Variants in CREG1 observed in about 807,000 individuals in gnomAD.
The protein encoded by CREG1 is protein CREG1.
A neutral mutation model predicts 19.9 loss-of-function variants in CREG1; 20 were observed. That is an observed-to-expected ratio of 1.01 (90% confidence interval 0.71 to 1.46). The LOEUF (loss-of-function observed/expected upper bound fraction) is 1.46, where lower values mean the gene tolerates loss of function less well. Ranked by LOEUF, CREG1 falls within the 40% of genes most tolerant of loss-of-function variation. The pLI, the probability that CREG1 is intolerant of heterozygous loss-of-function variation, is 0.00. For synonymous variants in CREG1, 141 were observed against 143.3 expected, an observed-to-expected ratio of 0.98 and a Z score of 0.12; for missense variants, 290 against 314.9, an observed-to-expected ratio of 0.92 and a Z score of 0.60.
chr1:167,548,076 A>G lies in CREG1; in HGVS notation c.400T>C (p.Phe134Leu). Residue 134 changes from phenylalanine (F) to leucine (L), a missense_variant, in exon 2 of 4, where the codon TTC becomes CTC. Physicochemically the swap from Phe to Leu is conservative, Grantham distance 22. Coordinates refer to ENST00000370509, the MANE Select transcript of CREG1 (RefSeq NM_003851.3). ...TLTMTLAQTN[F>L]CKKHGFDPQS... The stretch of plus-strand genomic sequence containing the variant: ...GGATCAAATCCATGTTTCTTGCAGA[A>G]GTTGGTCTGTGCCAAAGTCATGGTC... 1.2e-6 allele frequency: 2 copies of G among 1,613,692 alleles called. No homozygotes were observed. Among genetic ancestry groups the G allele is most frequent in the Non-Finnish European group, 1.7e-6 (2 of 1,179,572 alleles).
intron 3 of CREG1, among the ~76,000 whole-genome samples, chr1:167,544,560 C>T (rs993505789): frequency 6.6e-6 from 1 of 152,042 alleles, no homozygotes. Context: ...AGGAGCCTGG[C>T]CAGCTACCAG....
rs1656215726 is a variant in CREG1, at chr1:167,541,180, G to A, written c.*1118C>T. On this transcript the variant is annotated 3_prime_UTR_variant, in exon 4 of 4. Coordinates refer to ENST00000370509, the MANE Select transcript of CREG1 (RefSeq NM_003851.3). ...CTCATATTCAACTTTTCTCTTTAAG[G>A]ATTCAGTGGCTTGATTCCTGACATT... The A allele has an allele frequency of 6.6e-6, 1 of 152,124 alleles. No individual in the cohort carries two copies. Among genetic ancestry groups the A allele is most frequent in the South Asian group, 2.1e-4 (1 of 4,822 alleles). 9.4% of individuals were successfully genotyped at this position (152,124 alleles called of 1,614,324 possible).
At chr1:167,543,467 GAAT>G (rs1656263972) in intron 3 of CREG1, among the ~76,000 whole-genome samples, 1 of 151,828 alleles carries the variant, frequency 6.6e-6, no homozygotes, top group African/African-American at 2.4e-5. Flanking sequence ...GTATTTGGAG[GAAT>G]AATACCTTCC....
chr1:167,547,064 C>G (rs982355171), intron 2 of CREG1, among the ~76,000 whole-genome samples: 1 of 152,210 alleles, frequency 6.6e-6, no homozygotes, highest in Non-Finnish European at 1.5e-5. Flanking sequence ...CACTCAACTA[C>G]AGAGATGCAT....
In CREG1 at chr1:167,546,190, A is replaced by C; in HGVS notation, c.570T>G (p.Ala190=). 1 of 1,613,640 alleles carries C rather than the reference A, an allele frequency of 6.2e-7. No individual in the cohort carries two copies. Among genetic ancestry groups the C allele is most frequent in the Non-Finnish European group, 8.5e-7 (1 of 1,179,838 alleles). ...TWPSSHNWFF[A]KLNITNIWVL... Reference sequence around the variant, plus strand: ...CCCAGATATTGGTTATATTCAACTTAGCAAAGAACCAATTATGGCTGGAAG... The same window carrying C: ...CCCAGATATTGGTTATATTCAACTTCGCAAAGAACCAATTATGGCTGGAAG... Residue 190 remains alanine, a synonymous_variant, in exon 3 of 4, where the codon GCT becomes GCG. Coordinates refer to ENST00000370509, the MANE Select transcript of CREG1 (RefSeq NM_003851.3).
Position 167,542,082 on chromosome 1 carries a change from T to C in CREG1, c.*216A>G, listed in dbSNP as rs1180119733. On this transcript the variant is annotated 3_prime_UTR_variant, in exon 4 of 4. Transcript: ENST00000370509. ...TTTCTCTACGAAAATGGCTTCAAAA[T>C]AGGAAAAAAGTAGCTACCACATCTT... 4 of 452,636 alleles carry C rather than the reference T, an allele frequency of 8.8e-6. No individual in the cohort carries two copies. The highest frequency in any genetic ancestry group is 7.5e-5 in the Admixed American group (2 of 26,584). 28.0% of individuals were successfully genotyped at this position (452,636 alleles called of 1,614,324 possible). A position where few individuals can be genotyped will look rare whatever the true frequency, so the allele number is the denominator to read the frequency against.
rs150469100 is a variant in CREG1, at chr1:167,550,328, G to A, written c.355-2207C>T. On this transcript the variant is annotated intron_variant, in intron 1 of 3. Coordinates refer to ENST00000370509, the MANE Select transcript of CREG1 (RefSeq NM_003851.3). ...AACAAACATCCCAGGTAGCTCTTAC[G>A]CAGCTATAGGCAGCTGGGTATTGTT... is the stretch of plus-strand genomic sequence containing the variant. Among the ~76,000 whole-genome samples the A allele has an allele frequency of 1.2e-4, 19 of 152,310 alleles. 1 individual carries two copies. The East Asian group carries it at 3.3e-3, about 26-fold the overall frequency.
rs1656473722 is a variant in CREG1, at chr1:167,553,714, G to A, written c.28C>T (p.Arg10Cys). MAGLSRGSA[R>C]ALLAALLAST... is the part of the protein sequence containing the mutation. ...GCCAGCAGGGCGGCGAGCAGTGCGCGCGCGGACCCGCGGGATAGCCCGGCC... is the reference window on the plus strand; with the variant it reads ...GCCAGCAGGGCGGCGAGCAGTGCGCACGCGGACCCGCGGGATAGCCCGGCC... Residue 10 changes from arginine to cysteine, a missense_variant, in exon 1 of 4, where the codon CGC becomes TGC. By Grantham distance (180) the Arg-to-Cys change is radical. Transcript: ENST00000370509. 1 of 1,295,154 alleles carries A rather than the reference G, an allele frequency of 7.7e-7. No individual in the cohort carries two copies. Among genetic ancestry groups the A allele is most frequent in the Non-Finnish European group, 9.7e-7 (1 of 1,026,708 alleles). The allele number at this position is 1,295,154 out of a possible 1,614,324, so 80.2% of individuals were successfully genotyped here. A position where few individuals can be genotyped will look rare whatever the true frequency, so the allele number is the denominator to read the frequency against.
At chr1:167,546,967 G>A (rs963996639) in intron 2 of CREG1, among the ~76,000 whole-genome samples, 3 of 152,196 alleles carry the variant, frequency 2.0e-5, no homozygotes, top group Non-Finnish European at 2.9e-5. Flanking sequence ...ACAGATGAAT[G>A]TACTGAAGGA....
chr1:167,551,879 G>A (rs561614499), intron 1 of CREG1, among the ~76,000 whole-genome samples: 1 of 152,236 alleles, frequency 6.6e-6, no homozygotes, highest in Non-Finnish European at 1.5e-5. Context: ...GAACTGGGGT[G>A]TATCTGCCTT....
chr1:167,552,829 G>A (rs1349601732), intron 1 of CREG1, among the ~76,000 whole-genome samples: 2 of 151,992 alleles, frequency 1.3e-5, no homozygotes, highest in Non-Finnish European at 2.9e-5. Context: ...GGTGGATCAC[G>A]TGAGGTCAGG....
rs1234285854 is a variant in CREG1, at chr1:167,547,206, T to C, written c.474+796A>G. On this transcript the variant is annotated intron_variant, in intron 2 of 3. Coordinates refer to ENST00000370509, the MANE Select transcript of CREG1 (RefSeq NM_003851.3). ...ACCATGCCCACTGCTCTTCCTGAGA[T>C]TGTATTTGACCTCTTCCCTTCAGCA... is the stretch of plus-strand genomic sequence containing the variant. 3.3e-5 allele frequency among the ~76,000 whole-genome samples: 5 copies of C among 152,216 alleles called. No individual in the cohort carries two copies. The South Asian group carries it at 6.2e-4, about 19-fold the overall frequency.
rs1345276244 is a variant in CREG1, at chr1:167,553,673, C to T, written c.69G>A (p.Ala23=). ...LAALLASTLL[A]LLVSPARGRG... is the part of the protein sequence containing the mutation. ...GACCCCGCGCGGGCGACACGAGCAG[C>T]GCCAACAGCGTCGACGCCAGCAGGG... is the stretch of plus-strand genomic sequence containing the variant. Residue 23 remains alanine (A), a synonymous_variant, in exon 1 of 4, where the codon GCG becomes GCA. Transcript: ENST00000370509. 3 of 1,331,488 alleles carry T rather than the reference C, an allele frequency of 2.3e-6. No homozygotes were observed. The East Asian group carries it at 9.3e-5, about 41-fold the overall frequency. 82.5% of individuals were successfully genotyped at this position (1,331,488 alleles called of 1,614,324 possible).
In CREG1 at chr1:167,553,453, C is replaced by T. The variant is rs1220291867; in HGVS notation, c.289G>A (p.Gly97Ser). The change falls in exon 1 of 4, where the codon GGC (glycine) becomes AGC (serine). Residue 97 changes from glycine to serine, a missense_variant. Physicochemically the swap from Gly to Ser is moderately conservative, Grantham distance 56. Transcript: ENST00000370509. ...DVLSLSDGPP[G>S]AGSGVPYFYL... The stretch of plus-strand genomic sequence containing the variant: ...AAATAGGGCACGCCGCTGCCCGCGC[C>T]CGGGGGCCCGTCGCTGAGCGAGAGG... 14 of 1,481,772 alleles carry T rather than the reference C, an allele frequency of 9.4e-6. No individual in the cohort carries two copies. The Admixed American group carries it at 1.4e-4, about 15-fold the overall frequency. 91.8% of individuals were successfully genotyped at this position (1,481,772 alleles called of 1,614,324 possible). A position where few individuals can be genotyped will look rare whatever the true frequency, so the allele number is the denominator to read the frequency against.
In CREG1 at chr1:167,553,406, G is replaced by A. The variant is rs1041518946; in HGVS notation, c.336C>T (p.Leu112=). 2.1e-6 allele frequency: 3 copies of A among 1,445,442 alleles called. No individual in the cohort carries two copies. The highest frequency in any genetic ancestry group is 3.0e-5 in the East Asian group (1 of 33,262). 89.5% of individuals were successfully genotyped at this position (1,445,442 alleles called of 1,614,324 possible). The change falls in exon 1 of 4, where the codon CTC becomes CTT. Residue 112 remains leucine (L), a synonymous_variant. Coordinates refer to ENST00000370509, the MANE Select transcript of CREG1 (RefSeq NM_003851.3). ...AGCTCACCTGCAGGTTGCTCACGGA[G>A]AGCTGCAGCGGGCTCAGGTAGAAAT... ...VPYFYLSPLQ[L]SVSNLQENPY... is the part of the protein sequence containing the mutation.
intron 1 of CREG1, among the ~76,000 whole-genome samples, chr1:167,552,292 A>C (rs1349092934): frequency 1.3e-5 from 2 of 152,252 alleles, no homozygotes; most frequent in Non-Finnish European, 2.9e-5. Context: ...AAAAGTGATT[A>C]ATCAAGCATC....
intron 1 of CREG1, among the ~76,000 whole-genome samples, chr1:167,550,857 C>T (rs924402926): frequency 6.6e-6 from 1 of 151,844 alleles, no homozygotes; most frequent in South Asian, 2.1e-4. Context: ...TTCTGAGGAT[C>T]GCTGCAGGGA....
At position 167,542,101 on chromosome 1, in the gene CREG1, A is replaced by T. The variant is rs1474936255; in HGVS notation, c.*197T>A. ...TCAAAATAGGAAAAAAGTAGCTACC[A>T]CATCTTCCAGGAAATCCAATAACAG... On this transcript the variant is annotated 3_prime_UTR_variant, in exon 4 of 4. Transcript: ENST00000370509. The T allele has an allele frequency of 2.1e-6, 1 of 487,146 alleles. No individual in the cohort carries two copies. Among genetic ancestry groups the T allele is most frequent in the Non-Finnish European group, 3.6e-6 (1 of 274,944 alleles). 30.2% of individuals were successfully genotyped at this position (487,146 alleles called of 1,614,324 possible).
intron 2 of CREG1, among the ~76,000 whole-genome samples, chr1:167,546,565 C>T (rs1404978683): frequency 6.6e-6 from 1 of 152,060 alleles, no homozygotes; most frequent in Non-Finnish European, 1.5e-5. Flanking sequence ...TGGCATGAAC[C>T]CGGGAGGCGG....
Sources: gnomAD v4.1 joint callset for allele counts (sites outside exome capture counted in the v4.1 genomes callset) on GRCh38, gnomAD v4.1.1 for gene constraint, MANE v1.5 for transcripts, NCBI Gene and HGNC (gene_info 2026-07-23, HGNC 2026-07-21) for gene names.